Variants in NEK9 observed in about 807,000 individuals in gnomAD.
NEK9 encodes serine/threonine-protein kinase Nek9.
NEK9 carries 75 observed loss-of-function variants against 123.4 expected under a neutral mutation model. That is an observed-to-expected ratio of 0.61 (90% CI 0.50 to 0.74). NEK9 has a LOEUF of 0.74. Ranked by LOEUF, NEK9 falls within the 30% of genes least tolerant of loss-of-function variation. NEK9 has a pLI of 0.00. For missense variants in NEK9, 952 were observed against 1,214.4 expected (o/e 0.78, Z 3.21); for synonymous variants, 438 against 458.7 (o/e 0.95, Z 0.58).
chr14:75,084,879 G>T, intron 21 of NEK9, 193 bp from the exon 22 acceptor site: 2 of 586,988 alleles, frequency 3.4e-6, no homozygotes, highest in East Asian at 3.3e-5. Flanking sequence ...ACTGCAGGTA[G>T]GGTGACCAAC....
intron 16 of NEK9, among the ~76,000 whole-genome samples, chr14:75,100,433 C>T (rs1237536516): frequency 1.3e-5 from 2 of 151,906 alleles, no homozygotes; most frequent in Non-Finnish European, 2.9e-5. Context: ...GCAACAAGAG[C>T]GAAACTCTGT....
Position 75,124,041 on chromosome 14 carries a change from CTTACCA to C in NEK9, c.396_397+4del. ...CTGGAAAAGTCCCACTGAACTCTAT[CTTACCA>C]TTACAATATTCCAGCTCAATCAGCA... On this transcript the variant is annotated splice_donor_variant and splice_donor_region_variant and coding_sequence_variant and intron_variant, in exon 2 of 22. Transcript: ENST00000238616. LOFTEE classifies it high-confidence loss of function. The C allele has an allele frequency of 6.2e-7, 1 of 1,608,510 alleles. No individual in the cohort carries two copies.
At chr14:75,122,094 G>C (rs919544167) in intron 2 of NEK9, among the ~76,000 whole-genome samples, 3 of 152,150 alleles carry the variant, frequency 2.0e-5, no homozygotes, top group African/African-American at 7.2e-5. Flanking sequence ...AAGTAATCAT[G>C]GTTCATCTTA....
At chr14:75,089,760 G>A (rs551622744) in intron 19 of NEK9, among the ~76,000 whole-genome samples, 1 of 150,302 alleles carries the variant, frequency 6.7e-6, no homozygotes, top group South Asian at 2.1e-4. Flanking sequence ...GTGCAGTGGC[G>A]CAATCTCGGC....
chr14:75,087,937 T>G (rs926453957), intron 20 of NEK9, among the ~76,000 whole-genome samples: 1 of 152,188 alleles, frequency 6.6e-6, no homozygotes, highest in East Asian at 1.9e-4. Context: ...AATGTCAGAG[T>G]TGAGTAGTTG....
At chr14:75,117,144 G>A (rs1250377926) in intron 6 of NEK9, 51 bp downstream of exon 6, 1 of 1,584,146 alleles carries the variant, frequency 6.3e-7, no homozygotes, top group Non-Finnish European at 8.6e-7. Flanking sequence ...TAGTCAAGCT[G>A]TACCATTTGC....
intron 21 of NEK9, 127 bp downstream of exon 21, chr14:75,086,891 C>T (rs1299709736): frequency 1.4e-5 from 13 of 955,438 alleles, no homozygotes; most frequent in Admixed American, 8.0e-5. Context: ...GGCAACAGAG[C>T]GAGACTCCGT....
In NEK9 at chr14:75,102,062, G is replaced by C. The variant is rs1894601872; in HGVS notation, c.1732-297C>G. ...CCCAGAAGGTATTTATATAAGGAGA[G>C]AATCGTTGACATTTACCTTGGTTAT... On this transcript the variant is annotated intron_variant, in intron 14 of 21. Coordinates refer to ENST00000238616, the MANE Select transcript of NEK9 (RefSeq NM_033116.6). Among the ~76,000 whole-genome samples, 3 of 152,174 alleles carry C rather than the reference G, an allele frequency of 2.0e-5. No individual in the cohort carries two copies. The South Asian group carries it at 6.2e-4, about 32-fold the overall frequency.
chr14:75,125,672 A>G (rs971895343), intron 1 of NEK9, among the ~76,000 whole-genome samples: 4 of 152,236 alleles, frequency 2.6e-5, no homozygotes, highest in Admixed American at 2.0e-4. Flanking sequence ...ACTAACTCTA[A>G]CATCATACAT....
In NEK9 at chr14:75,081,040, T is replaced by C. The variant is rs10146098; in HGVS notation, c.*3524A>G. ...CTCACTGCAAACTCCGCCTCCTGGGTTCACGCCATTCTCCTGCCTCAGCCT... is the reference window on the plus strand; with the variant it reads ...CTCACTGCAAACTCCGCCTCCTGGGCTCACGCCATTCTCCTGCCTCAGCCT... On this transcript the variant is annotated 3_prime_UTR_variant, in exon 22 of 22. Transcript: ENST00000238616. This position sits in a 1 kb window ranked among gnomAD's most constrained non-coding sequence, Gnocchi z 4.2. The C allele has an allele frequency of 0.45, 67,497 of 151,618 alleles. 16,361 individuals are homozygous for C. The highest frequency in any genetic ancestry group is 0.83 in the East Asian group (4,290 of 5,138). The allele number at this position is 151,618 out of a possible 1,614,324, so 9.4% of individuals were successfully genotyped here.
At chr14:75,089,584 G>C (rs1244391365) in intron 19 of NEK9, among the ~76,000 whole-genome samples, 4 of 151,858 alleles carry the variant, frequency 2.6e-5, no homozygotes, top group African/African-American at 9.7e-5. Flanking sequence ...CGCCCAGGCT[G>C]GACTGCAGTG....
At chr14:75,120,726 T>G in intron 3 of NEK9, 146 bp from the exon 4 acceptor site, 1 of 650,482 alleles carries the variant, frequency 1.5e-6, no homozygotes, top group Non-Finnish European at 2.6e-6. Context: ...GCAGGTTGAG[T>G]AGGCAAAGAA....
chr14:75,099,048 A>G (rs1344592577), intron 16 of NEK9, among the ~76,000 whole-genome samples: 1 of 152,252 alleles, frequency 6.6e-6, no homozygotes, highest in Admixed American at 6.5e-5. Context: ...ATATGGTAAC[A>G]GATCACAATA....
chr14:75,087,324 T>A, intron 20 of NEK9, 94 bp from the exon 21 acceptor site: 1 of 858,306 alleles, frequency 1.2e-6, no homozygotes, highest in Non-Finnish European at 1.8e-6. Flanking sequence ...ATTTTACTTT[T>A]AAATTAACAA....
Position 75,095,356 on chromosome 14 carries a change from A to T in NEK9, c.2233+16T>A, listed in dbSNP as rs761165153. The T allele has an allele frequency of 1.3e-6, 2 of 1,595,070 alleles. No homozygotes were observed. The highest frequency in any genetic ancestry group is 1.7e-6 in the Non-Finnish European group (2 of 1,166,236). On this transcript the variant is annotated intron_variant, in intron 18 of 21. Coordinates refer to ENST00000238616, the MANE Select transcript of NEK9 (RefSeq NM_033116.6). ...CACTTCAGAAAACCACTGGTACCTG[A>T]AACATTGGTACTTACCAGTTCCAAT... is the stretch of plus-strand genomic sequence containing the variant.
intron 4 of NEK9, 68 bp downstream of exon 4, chr14:75,120,442 G>A (rs568156282): frequency 3.9e-6 from 4 of 1,022,930 alleles, no homozygotes; most frequent in Admixed American, 2.1e-5. Flanking sequence ...AGTGTTGTTG[G>A]GGGGGTATCC....
chr14:75,095,979 C>T (rs940391059), intron 17 of NEK9, among the ~76,000 whole-genome samples: 4 of 152,058 alleles, frequency 2.6e-5, no homozygotes, highest in Non-Finnish European at 4.4e-5. Context: ...GGGTCTGGAC[C>T]GTGGTATTCT....
chr14:75,104,752 G>A (rs914215701), intron 13 of NEK9, among the ~76,000 whole-genome samples: 1 of 152,198 alleles, frequency 6.6e-6, no homozygotes, highest in African/African-American at 2.4e-5. Flanking sequence ...CAAAGTGCTG[G>A]GATTACAGGC....
intron 13 of NEK9, among the ~76,000 whole-genome samples, chr14:75,105,105 A>G (rs1894725107): frequency 6.6e-6 from 1 of 152,118 alleles, no homozygotes; most frequent in African/African-American, 2.4e-5. Flanking sequence ...ACTAGACAGG[A>G]CTGGAGAAGG....
Sources: allele counts gnomAD v4.1 joint callset (sites outside exome capture counted in the v4.1 genomes callset), GRCh38; gene constraint gnomAD v4.1.1; non-coding constraint Gnocchi (gnomAD v3.1); transcripts MANE v1.5; gene names NCBI Gene and HGNC (gene_info 2026-07-23, HGNC 2026-07-21).